Variants in CLSTN2 observed in about 807,000 individuals in gnomAD.
CLSTN2 encodes calsyntenin 2.
In CLSTN2, 48 loss-of-function variants were observed where a neutral mutation model predicts 101.2. That is an observed-to-expected ratio of 0.47 (90% CI 0.38 to 0.60). The LOEUF (loss-of-function observed/expected upper bound fraction) is 0.60, where lower values mean the gene tolerates loss of function less well. CLSTN2 is among the 20% of genes least tolerant of loss of function. CLSTN2 has a pLI of 0.00. For synonymous variants in CLSTN2, 481 were observed against 463.6 expected, an observed-to-expected ratio of 1.04 and a Z score of -0.48; for missense variants, 1,160 against 1,238.2, an observed-to-expected ratio of 0.94 and a Z score of 0.95.
At position 140,208,467 on chromosome 3, in the gene CLSTN2, G is replaced by A. The variant is rs561133134; in HGVS notation, c.232+32394G>A. Among the ~76,000 whole-genome samples, 142 of 152,186 alleles carry A rather than the reference G, an allele frequency of 9.3e-4. 1 individual carries two copies. Among genetic ancestry groups the A allele is most frequent in the African/African-American group, 3.2e-3 (134 of 41,560 alleles). Reference sequence around the variant, plus strand: ...ATTTTTTGTTTATTTTAGGCAAGGGGAATTTACTGTATCTTTGTTTACTGA... The same window carrying A: ...ATTTTTTGTTTATTTTAGGCAAGGGAAATTTACTGTATCTTTGTTTACTGA... On this transcript the variant is annotated intron_variant, in intron 2 of 16. Transcript: ENST00000458420.
intron 1 of CLSTN2, among the ~76,000 whole-genome samples, chr3:140,128,893 G>T (rs573974383): frequency 6.6e-6 from 1 of 152,272 alleles, no homozygotes; most frequent in South Asian, 2.1e-4. Context: ...GCAGAAGGGG[G>T]CAGAGCTGAG....
At chr3:140,349,383 C>A (rs1576526979) in intron 2 of CLSTN2, among the ~76,000 whole-genome samples, 1 of 152,130 alleles carries the variant, frequency 6.6e-6, no homozygotes, top group African/African-American at 2.4e-5. Context: ...TGGGTCAGAA[C>A]CTAATTACTT....
intron 2 of CLSTN2, among the ~76,000 whole-genome samples, chr3:140,266,906 T>C (rs2086697822): frequency 6.6e-6 from 1 of 152,104 alleles, no homozygotes; most frequent in African/African-American, 2.4e-5. Context: ...TGGTTGTTAG[T>C]TGTTGTCTGG....
At chr3:140,022,845 C>A (rs957127446) in intron 1 of CLSTN2, among the ~76,000 whole-genome samples, 1 of 152,308 alleles carries the variant, frequency 6.6e-6, no homozygotes, top group Middle Eastern at 3.4e-3. Context: ...CAGACAGGCC[C>A]AGAATCAGAT....
intron 15 of CLSTN2, among the ~76,000 whole-genome samples, 164 bp downstream of exon 15, chr3:140,563,367 C>T (rs1003699762): frequency 6.6e-6 from 1 of 152,192 alleles, no homozygotes; most frequent in Non-Finnish European, 1.5e-5. Context: ...TACTCACACC[C>T]TCAATAGGCA....
At chr3:140,368,569 C>G (rs2087818859) in intron 2 of CLSTN2, among the ~76,000 whole-genome samples, 1 of 152,154 alleles carries the variant, frequency 6.6e-6, no homozygotes, top group Non-Finnish European at 1.5e-5. Context: ...CTGCCCGATC[C>G]CCTGTGGTTT....
In CLSTN2 at chr3:140,476,690, C is replaced by T. The variant is rs540803058; in HGVS notation, c.1344+9959C>T. On this transcript the variant is annotated intron_variant, in intron 8 of 16. Transcript: ENST00000458420. Reference sequence around the variant, plus strand: ...TTTTTTTTTTCCTGATATGGAGTCTCGCCTGTGGTCCAGACTGGAGTGCAG... The same window carrying T: ...TTTTTTTTTTCCTGATATGGAGTCTTGCCTGTGGTCCAGACTGGAGTGCAG... Among the ~76,000 whole-genome samples, 6 of 144,988 alleles carry T rather than the reference C, an allele frequency of 4.1e-5. No individual in the cohort carries two copies. The East Asian group carries it at 1.0e-3, about 24-fold the overall frequency.
At chr3:140,278,378 T>G (rs1212300013) in intron 2 of CLSTN2, among the ~76,000 whole-genome samples, 1 of 152,136 alleles carries the variant, frequency 6.6e-6, no homozygotes, top group Admixed American at 6.5e-5. Flanking sequence ...GGGTCCCCAC[T>G]ACTCTTTACA....
chr3:140,396,829 GT>G, intron 2 of CLSTN2, among the ~76,000 whole-genome samples: 1 of 152,226 alleles, frequency 6.6e-6, no homozygotes, highest in Non-Finnish European at 1.5e-5. Context: ...GATGGGTCAT[GT>G]TTTTAGCATC....
intron 1 of CLSTN2, among the ~76,000 whole-genome samples, chr3:140,141,326 C>T (rs998195217): frequency 2.6e-5 from 4 of 152,174 alleles, no homozygotes; most frequent in African/African-American, 9.7e-5. Context: ...TCCTGTTCTG[C>T]CTCTTGCTTT....
rs12632487 is a variant in CLSTN2, at chr3:140,346,265, A to C, written c.233-57364A>C. Among the ~76,000 whole-genome samples the C allele has an allele frequency of 9.8e-4, 149 of 152,320 alleles. 2 individuals carry two copies. In the East Asian group the frequency reaches 0.027, roughly 28 times the overall value. On this transcript the variant is annotated intron_variant, in intron 2 of 16. Coordinates refer to ENST00000458420, the MANE Select transcript of CLSTN2 (RefSeq NM_022131.3). ...TAACATTTATAATTTCATATTTGCC[A>C]AGTCCCCTCAGCCACCTTGCATATA...
At chr3:139,937,479 G>A (rs907344173) in intron 1 of CLSTN2, among the ~76,000 whole-genome samples, 1 of 151,658 alleles carries the variant, frequency 6.6e-6, no homozygotes, top group African/African-American at 2.4e-5. Flanking sequence ...GCTCATGCCT[G>A]TAATCCCAGC....
At chr3:140,275,978 T>C (rs1346976319) in intron 2 of CLSTN2, among the ~76,000 whole-genome samples, 1 of 152,106 alleles carries the variant, frequency 6.6e-6, no homozygotes, top group Non-Finnish European at 1.5e-5. Context: ...ACAAAAGCAG[T>C]GACCAGGTGA....
In CLSTN2 at chr3:140,438,466, T is replaced by G. The variant is rs1012440017; in HGVS notation, c.788-10053T>G. ...AAAAAAAAAAAAAGCTTTGAAGCTG[T>G]GTGCAATTGATAGCTTAAAAAGAGA... On this transcript the variant is annotated intron_variant, in intron 5 of 16. Transcript: ENST00000458420. Among the ~76,000 whole-genome samples, 4 of 110,438 alleles carry G rather than the reference T, an allele frequency of 3.6e-5. No homozygotes were observed. In the South Asian group the frequency reaches 8.3e-4, roughly 23 times the overall value. 72.5% of individuals were successfully genotyped at this position (110,438 alleles called of 152,430 possible).
At chr3:140,490,004 AG>A (rs199573013) in intron 8 of CLSTN2, among the ~76,000 whole-genome samples, 1,455 of 2,150 alleles carry the variant, frequency 0.68, 385 homozygotes, top group African/African-American at 0.68. Flanking sequence ...AAGAAAAAAA[AG>A]AAGTACATGT....
chr3:140,556,711 G>A (rs1935803543), intron 11 of CLSTN2, 50 bp downstream of exon 11: 1 of 1,574,400 alleles, frequency 6.4e-7, no homozygotes, highest in South Asian at 1.1e-5. Flanking sequence ...CAGTTGGGAA[G>A]GTCCCAACTG....
chr3:139,935,780 G>A lies in CLSTN2; in HGVS notation c.109+297G>A, dbSNP rs1395515746. ...GTGCCGGGGTGGGAGCGCAGTGGGTGAGTTTCGAGCTCTGGCCCAGGGACG... is the reference window on the plus strand; with the variant it reads ...GTGCCGGGGTGGGAGCGCAGTGGGTAAGTTTCGAGCTCTGGCCCAGGGACG... On this transcript the variant is annotated intron_variant, in intron 1 of 16. Transcript: ENST00000458420. The surrounding 1 kb of genome is among the most constrained non-coding windows in gnomAD (Gnocchi z 5.5). Among the ~76,000 whole-genome samples the A allele has an allele frequency of 2.0e-5, 3 of 152,058 alleles. No homozygotes were observed. The highest frequency in any genetic ancestry group is 7.2e-5 in the African/African-American group (3 of 41,424).
At chr3:140,409,351 C>A (rs962295869) in intron 4 of CLSTN2, among the ~76,000 whole-genome samples, 1 of 152,204 alleles carries the variant, frequency 6.6e-6, no homozygotes, top group Non-Finnish European at 1.5e-5. Flanking sequence ...ACAGTCCTGT[C>A]AGACACTGTG....
intron 9 of CLSTN2, among the ~76,000 whole-genome samples, chr3:140,541,785 T>C (rs1347945931): frequency 1.3e-5 from 2 of 152,180 alleles, no homozygotes; most frequent in Admixed American, 1.3e-4. Context: ...GTGTTCTTTA[T>C]GACTCTGGGA....
Sources: gnomAD v4.1 joint callset for allele counts (sites outside exome capture counted in the v4.1 genomes callset) on GRCh38, gnomAD v4.1.1 for gene constraint, Gnocchi (gnomAD v3.1) non-coding constraint, MANE v1.5 for transcripts, NCBI Gene and HGNC (gene_info 2026-07-23, HGNC 2026-07-21) for gene names.